The following GABRA3 variants were observed in gnomAD, a reference collection of about 807,000 sequenced individuals.
GABRA3 encodes the protein gamma-aminobutyric acid type A receptor subunit alpha3, also known as gamma-aminobutyric acid receptor subunit alpha-3.
A neutral mutation model predicts 30.1 loss-of-function variants in GABRA3; 10 were observed. The ratio of observed to expected loss-of-function variants is 0.33; its 90% CI spans 0.20 to 0.56. GABRA3 has a LOEUF of 0.56. GABRA3 is among the 20% of genes least tolerant of loss of function. The pLI, the probability that GABRA3 is intolerant of heterozygous loss-of-function variation, is 0.89. For missense variants in GABRA3, 233 were observed against 392.0 expected, an observed-to-expected ratio of 0.59 and a Z score of 3.42; for synonymous variants, 151 against 146.8, an observed-to-expected ratio of 1.03 and a Z score of -0.21.
chrX:152,428,035 A>C (rs2124542965), intron 1 of GABRA3, among the ~76,000 whole-genome samples: 1 of 112,546 alleles, frequency 8.9e-6, no homozygotes, highest in East Asian at 2.8e-4. Context: ...GTAATAGCTA[A>C]AAGTATTCTT....
At chrX:152,365,775 G>A (rs944367807) in intron 1 of GABRA3, among the ~76,000 whole-genome samples, 1 of 111,120 alleles carries the variant, frequency 9.0e-6, no homozygotes, top group Non-Finnish European at 1.9e-5. Flanking sequence ...CACCCCACAC[G>A]CCTCAAAAAA....
chrX:152,387,896 TA>T (rs966641376), intron 1 of GABRA3, among the ~76,000 whole-genome samples: 3 of 110,024 alleles, frequency 2.7e-5, no homozygotes, highest in East Asian at 2.8e-4. Flanking sequence ...AAAAAGCCTG[TA>T]AAAAAAAATC....
chrX:152,386,740 G>A (rs1273244766), intron 1 of GABRA3, among the ~76,000 whole-genome samples: 1 of 110,540 alleles, frequency 9.0e-6, no homozygotes, highest in Non-Finnish European at 1.9e-5. Flanking sequence ...TCAGTGTGGC[G>A]ATTCCTCAGG....
intron 5 of GABRA3, among the ~76,000 whole-genome samples, chrX:152,248,507 A>G (rs766454363): frequency 4.3e-4 from 48 of 111,805 alleles, no homozygotes; most frequent in Non-Finnish European, 8.3e-4. Context: ...AATTTAAAAA[A>G]AAAAGAAAAC....
chrX:152,271,902 T>G (rs1938946840), intron 4 of GABRA3, among the ~76,000 whole-genome samples: 1 of 112,113 alleles, frequency 8.9e-6, no homozygotes, highest in Non-Finnish European at 1.9e-5. Flanking sequence ...CATGTGATGT[T>G]GAGCCTACAG....
chrX:152,264,481 C>G, intron 4 of GABRA3, among the ~76,000 whole-genome samples: 1 of 110,708 alleles, frequency 9.0e-6, no homozygotes, highest in African/African-American at 3.3e-5. Flanking sequence ...AAACCAAAAA[C>G]CATACAATGG....
At chrX:152,266,203 T>G (rs1452248858) in intron 4 of GABRA3, among the ~76,000 whole-genome samples, 1 of 111,489 alleles carries the variant, frequency 9.0e-6, no homozygotes, top group African/African-American at 3.3e-5. Flanking sequence ...AGACAATATA[T>G]CTGATGAATA....
intron 5 of GABRA3, chrX:152,250,947 C>T (rs948285581): frequency 2.5e-5 from 5 of 196,878 alleles, no homozygotes; most frequent in Non-Finnish European, 5.1e-5. Flanking sequence ...CATATGCCTG[C>T]AAGACTGGCA....
At chrX:152,396,051 G>A (rs1771699903) in intron 1 of GABRA3, among the ~76,000 whole-genome samples, 1 of 112,133 alleles carries the variant, frequency 8.9e-6, no homozygotes, top group Admixed American at 9.5e-5. Context: ...TGGTAATAGG[G>A]TCTTTGTAGA....
At chrX:152,409,382 T>A (rs1930013585) in intron 1 of GABRA3, among the ~76,000 whole-genome samples, 1 of 110,836 alleles carries the variant, frequency 9.0e-6, no homozygotes, top group Non-Finnish European at 1.9e-5. Context: ...CAAAATGGGT[T>A]AAAAACTTAA....
intron 4 of GABRA3, among the ~76,000 whole-genome samples, chrX:152,277,598 A>AT (rs1394145056): frequency 1.8e-5 from 2 of 111,772 alleles, no homozygotes; most frequent in Non-Finnish European, 3.8e-5. Context: ...AAGCAATCAG[A>AT]TTTTGACCTA....
chrX:152,362,857 G>GA (rs1286495203), intron 2 of GABRA3, among the ~76,000 whole-genome samples: 6 of 111,721 alleles, frequency 5.4e-5, no homozygotes, highest in African/African-American at 1.9e-4. Flanking sequence ...ACTGAAACAG[G>GA]AAAAAAATGG....
chrX:152,327,202 C>T (rs1488221894), intron 3 of GABRA3, among the ~76,000 whole-genome samples: 1 of 109,641 alleles, frequency 9.1e-6, no homozygotes, highest in African/African-American at 3.4e-5. Flanking sequence ...ATTCACAAAG[C>T]AAGCCCTTAG....
At chrX:152,192,753 G>A (rs1401427015) in intron 8 of GABRA3, among the ~76,000 whole-genome samples, 1 of 111,470 alleles carries the variant, frequency 9.0e-6, no homozygotes, top group African/African-American at 3.3e-5. Context: ...AAGGATATTT[G>A]TTAATTCACT....
chrX:152,242,439 C>T (rs1000395090), intron 5 of GABRA3, among the ~76,000 whole-genome samples: 2 of 111,920 alleles, frequency 1.8e-5, no homozygotes, highest in African/African-American at 6.5e-5. Flanking sequence ...TAAAAAGCTT[C>T]TGCACATCCA....
At chrX:152,332,005 C>T (rs1940172448) in intron 3 of GABRA3, among the ~76,000 whole-genome samples, 1 of 112,247 alleles carries the variant, frequency 8.9e-6, no homozygotes, top group African/African-American at 3.2e-5. Context: ...CACTACCACA[C>T]ATCTTCTTTA....
intron 1 of GABRA3, among the ~76,000 whole-genome samples, chrX:152,376,838 T>C (rs1435596214): frequency 9.0e-6 from 1 of 111,707 alleles, no homozygotes; most frequent in African/African-American, 3.3e-5. Context: ...GGTTTCTATA[T>C]GGATACCTCT....
At chrX:152,224,896 A>G (rs1937909375) in intron 5 of GABRA3, 51 bp from the exon 6 acceptor site, 1 of 904,400 alleles carries the variant, frequency 1.1e-6, no homozygotes, top group Non-Finnish European at 1.6e-6. Context: ...AAATGTTATT[A>G]AACACAGGGC....
intron 4 of GABRA3, among the ~76,000 whole-genome samples, chrX:152,259,786 C>T (rs969613789): frequency 1.8e-5 from 2 of 111,002 alleles, no homozygotes; most frequent in Non-Finnish European, 3.8e-5. Flanking sequence ...TTGCTAGCTT[C>T]AGGTGAGACT....
Sources: allele counts gnomAD v4.1 joint callset (sites outside exome capture counted in the v4.1 genomes callset), GRCh38; gene constraint gnomAD v4.1.1; transcripts MANE v1.5; gene names NCBI Gene and HGNC (gene_info 2026-07-23, HGNC 2026-07-21).